The following NDUFAF6 variants were observed in gnomAD, a reference collection of about 807,000 sequenced individuals.
The protein encoded by NDUFAF6 is NADH dehydrogenase (ubiquinone) complex I, assembly factor 6.
A neutral mutation model predicts 40.8 loss-of-function variants in NDUFAF6; 45 were observed. The observed-to-expected ratio is 1.10, with a 90% CI of 0.87 to 1.42. The LOEUF is 1.42. Among genes scored for constraint, NDUFAF6 ranks in the 40% most tolerant of loss-of-function variants. NDUFAF6 has a pLI of 0.00. For missense variants in NDUFAF6, 435 were observed against 418.5 expected, an observed-to-expected ratio of 1.04 and a Z score of -0.34; for synonymous variants, 185 against 155.9, an observed-to-expected ratio of 1.19 and a Z score of -1.39.
chr8:94,967,868 G>A (rs918949488), intron 1 of NDUFAF6, among the ~76,000 whole-genome samples: 3 of 151,682 alleles, frequency 2.0e-5, no homozygotes, highest in Admixed American at 6.6e-5. Context: ...TCGAACCTGC[G>A]AGACAGAGGT....
At chr8:95,085,000 A>G (rs1007291712) in intron 2 of NDUFAF6, among the ~76,000 whole-genome samples, 2 of 152,230 alleles carry the variant, frequency 1.3e-5, no homozygotes, top group Admixed American at 6.5e-5. Flanking sequence ...ATCACACTCA[A>G]TAGAGGCATA....
chr8:94,965,011 C>G (rs146758110), intron 1 of NDUFAF6, among the ~76,000 whole-genome samples: 2 of 152,306 alleles, frequency 1.3e-5, no homozygotes, highest in Non-Finnish European at 2.9e-5. Flanking sequence ...AGCACTGTTT[C>G]CATCAGAGAC....
At chr8:95,025,499 A>G (rs1323709054) in intron 1 of NDUFAF6, among the ~76,000 whole-genome samples, 1 of 152,208 alleles carries the variant, frequency 6.6e-6, no homozygotes, top group Non-Finnish European at 1.5e-5. Flanking sequence ...AACCTTTGTT[A>G]TTCACAGAAC....
intron 4 of NDUFAF6, among the ~76,000 whole-genome samples, chr8:95,041,957 A>G (rs576349885): frequency 6.6e-6 from 1 of 152,354 alleles, no homozygotes; most frequent in African/African-American, 2.4e-5. Context: ...AAAATCCCAG[A>G]CATCTTATCA....
chr8:95,034,711 C>T (rs1223452996), intron 2 of NDUFAF6: 1 of 152,426 alleles, frequency 6.6e-6, no homozygotes, highest in East Asian at 1.9e-4. Flanking sequence ...AAATATCCGT[C>T]TGACTCCCAG....
chr8:95,045,201 GATA>G (rs1830596832), intron 4 of NDUFAF6, among the ~76,000 whole-genome samples: 1 of 152,090 alleles, frequency 6.6e-6, no homozygotes, highest in Admixed American at 6.6e-5. Flanking sequence ...GGGTTAAGAA[GATA>G]ATGTCTAAAG....
intron 1 of NDUFAF6, among the ~76,000 whole-genome samples, chr8:94,925,462 T>C (rs565732076): frequency 8.5e-5 from 13 of 152,204 alleles, no homozygotes; most frequent in Admixed American, 3.3e-4. Flanking sequence ...TTTTTAAACA[T>C]TGATTGGAGG....
At chr8:94,989,310 C>T (rs1411651167) in intron 2 of NDUFAF6, 3 of 152,040 alleles carry the variant, frequency 2.0e-5, no homozygotes, top group East Asian at 1.9e-4. Flanking sequence ...TTCTTAAATT[C>T]GAGGCTGATA....
chr8:95,080,278 T>C (rs1808785822), downstream of NDUFAF6, among the ~76,000 whole-genome samples: 1 of 151,594 alleles, frequency 6.6e-6, no homozygotes, highest in East Asian at 1.9e-4. Context: ...TTTTGTAGTG[T>C]ATTTTTGTAG....
intron 1 of NDUFAF6, among the ~76,000 whole-genome samples, chr8:94,943,252 G>A (rs1821711989): frequency 6.6e-6 from 1 of 152,182 alleles, no homozygotes; most frequent in Non-Finnish European, 1.5e-5. Context: ...ATTTTGGGAG[G>A]CTGAGGCCAC....
intron 1 of NDUFAF6, among the ~76,000 whole-genome samples, chr8:94,970,052 C>T (rs1206032691): frequency 6.6e-6 from 1 of 151,872 alleles, no homozygotes; most frequent in Non-Finnish European, 1.5e-5. Flanking sequence ...GTGAGGAGAT[C>T]AGGACCATCC....
In NDUFAF6 at chr8:95,036,484, G is replaced by C. The variant is rs898824305; in HGVS notation, c.420+908G>C. The stretch of plus-strand genomic sequence containing the variant: ...AACTGGGGATTGAGAAGAAAAAGTG[G>C]ATGGGAAGCTGTGAGTATTAGATTA... On this transcript the variant is annotated intron_variant, in intron 3 of 8. Transcript: ENST00000396124. 3.1e-6 allele frequency: 4 copies of C among 1,289,274 alleles called. No homozygotes were observed. The African/African-American group carries it at 4.6e-5, about 15-fold the overall frequency. The allele number at this position is 1,289,274 out of a possible 1,614,324, so 79.9% of individuals were successfully genotyped here.
rs147075810 is a variant in NDUFAF6, at chr8:94,967,097, C to T, written c.-199+8918C>T. 4.6e-5 allele frequency among the ~76,000 whole-genome samples: 7 copies of T among 152,108 alleles called. No homozygotes were observed. In the East Asian group the frequency reaches 5.8e-4, roughly 13 times the overall value. On this transcript the variant is annotated intron_variant, in intron 1 of 9. Coordinates refer to the NDUFAF6 transcript ENST00000396111. ...CAGAAGAAAGAAAAAAAGGAACATG[C>T]GGAGAGAGAGAAAAAGGGAATGATG...
rs1014231371 is a variant in NDUFAF6, at chr8:94,949,603, T to C, written c.-799+3984T>C. ...GTGAAGGCCTGGGCGAGCGGAAGGG[T>C]GGGAGAGAGGGGCTAGGCCGGGGAG... On this transcript the variant is annotated intron_variant, in intron 2 of 14. Coordinates refer to the NDUFAF6 transcript ENST00000396113. 6.3e-4 allele frequency among the ~76,000 whole-genome samples: 94 copies of C among 148,432 alleles called. No individual in the cohort carries two copies. The East Asian group carries it at 0.011, about 18-fold the overall frequency.
downstream of NDUFAF6, among the ~76,000 whole-genome samples, chr8:95,105,054 CACACACACACACAGAGAGAGAGAG>C (rs1455933482): frequency 3.3e-4 from 20 of 59,994 alleles, no homozygotes; most frequent in African/African-American, 1.3e-3. Context: ...CACACACACA[CACACACACACACAGAGAGAGAGAG>C]AGAGAGAGAG....
chr8:95,045,568 A>G lies in NDUFAF6; in HGVS notation c.501A>G (p.Ala167=), dbSNP rs1830647175. The G allele has an allele frequency of 1.2e-6, 2 of 1,613,386 alleles. No individual in the cohort carries two copies. Among genetic ancestry groups the G allele is most frequent in the South Asian group, 1.1e-5 (1 of 91,068 alleles). Residue 167 remains alanine (A), a synonymous_variant, in exon 5 of 9, where the codon GCA becomes GCG. Transcript: ENST00000396124. ...AGGAAAAAAATCTGGATGACAAAGC[A>G]TATCGTAATATCAAGGAACTGGAAA... The part of the protein sequence containing the change: ...DEREKNLDDK[A]YRNIKELENY...
At chr8:95,077,496 G>A (rs1808669825), downstream of NDUFAF6, among the ~76,000 whole-genome samples, 1 of 152,222 alleles carries the variant, frequency 6.6e-6, no homozygotes, top group South Asian at 2.1e-4. Flanking sequence ...CTGGACGAAA[G>A]GATGATTCAT....
At chr8:95,004,244 C>T (rs1301071565) in intron 2 of NDUFAF6, among the ~76,000 whole-genome samples, 2 of 151,978 alleles carry the variant, frequency 1.3e-5, no homozygotes, top group Non-Finnish European at 2.9e-5. Flanking sequence ...CTCCTAAGGG[C>T]ACCAGCTTTT....
chr8:95,063,069 A>G (rs185316132), downstream of NDUFAF6, among the ~76,000 whole-genome samples: 1 of 152,350 alleles, frequency 6.6e-6, no homozygotes, highest in Admixed American at 6.5e-5. Flanking sequence ...TGGAAGGATA[A>G]GGAAGTCATA....
Sources: gnomAD v4.1 joint callset for allele counts (sites outside exome capture counted in the v4.1 genomes callset) on GRCh38, gnomAD v4.1.1 for gene constraint, MANE v1.5 for transcripts, NCBI Gene and HGNC (gene_info 2026-07-23, HGNC 2026-07-21) for gene names.